Variants in FRMPD4 observed in about 807,000 individuals in gnomAD.
The protein encoded by FRMPD4 is FERM and PDZ domain containing 4, also known as FERM and PDZ domain-containing protein 4.
Under a neutral mutation model 94.1 loss-of-function variants are expected in FRMPD4, and 22 were observed. That is an observed-to-expected ratio of 0.23 (90% CI 0.17 to 0.33). The LOEUF (loss-of-function observed/expected upper bound fraction) is 0.33, where lower values mean the gene tolerates loss of function less well. Among genes scored for constraint, FRMPD4 ranks in the 10% least tolerant of loss-of-function variants. The pLI, the probability that FRMPD4 is intolerant of heterozygous loss-of-function variation, is 1.00. For synonymous variants in FRMPD4, 631 were observed against 548.6 expected, an observed-to-expected ratio of 1.15 and a Z score of -2.10; for missense variants, 1,111 against 1,339.9, an observed-to-expected ratio of 0.83 and a Z score of 2.67.
At chrX:11,825,123 T>C (rs1489970895) in intron 1 of FRMPD4, among the ~76,000 whole-genome samples, 2 of 108,621 alleles carry the variant, frequency 1.8e-5, no homozygotes, top group African/African-American at 6.7e-5. Flanking sequence ...TTCTGTGGTT[T>C]TGAGGAAAAG....
At chrX:12,229,460 C>G (rs751550711) in intron 1 of FRMPD4, among the ~76,000 whole-genome samples, 1 of 111,919 alleles carries the variant, frequency 8.9e-6, no homozygotes, top group South Asian at 3.8e-4. Context: ...GACATGTTCA[C>G]TTCTTACCCT....
intron 1 of FRMPD4, among the ~76,000 whole-genome samples, chrX:12,207,722 G>A (rs1445894639): frequency 2.8e-5 from 3 of 108,740 alleles, no homozygotes; most frequent in African/African-American, 1.0e-4. Flanking sequence ...TAGAGCTCAG[G>A]GCTACCAAAA....
At chrX:12,212,364 A>G (rs1305308968) in intron 1 of FRMPD4, among the ~76,000 whole-genome samples, 1 of 109,208 alleles carries the variant, frequency 9.2e-6, no homozygotes, top group Non-Finnish European at 1.9e-5. Flanking sequence ...ACTCTCTTGT[A>G]GGTAGGTGGC....
chrX:12,677,115 C>T (rs775362203), intron 5 of FRMPD4, among the ~76,000 whole-genome samples: 65 of 110,920 alleles, frequency 5.9e-4, no homozygotes, highest in African/African-American at 1.5e-3. Flanking sequence ...TATGGGGACA[C>T]GTCCTGTGCA....
intron 3 of FRMPD4, among the ~76,000 whole-genome samples, chrX:12,089,893 G>C (rs1309296305): frequency 8.9e-6 from 1 of 111,741 alleles, no homozygotes; most frequent in Non-Finnish European, 1.9e-5. Flanking sequence ...GTTTGGTTGG[G>C]AAACCAGGCA....
chrX:12,513,169 A>G (rs1302304426), intron 2 of FRMPD4, among the ~76,000 whole-genome samples: 1 of 111,779 alleles, frequency 8.9e-6, no homozygotes, highest in African/African-American at 3.3e-5. Context: ...TATATATTGT[A>G]TGTTCACTCT....
At chrX:12,518,939 T>A (rs2058132709) in intron 2 of FRMPD4, among the ~76,000 whole-genome samples, 1 of 112,047 alleles carries the variant, frequency 8.9e-6, no homozygotes. Flanking sequence ...AAGAAAATAA[T>A]TCCATTTACA....
Position 12,716,299 on chromosome X carries a change from G to C in FRMPD4, c.1840G>C (p.Gly614Arg). 8.3e-7 allele frequency: 1 copy of C among 1,210,282 alleles called. No homozygotes were observed. The highest frequency in any genetic ancestry group is 1.8e-5 in the South Asian group (1 of 56,914). ...DGLNQQLSQP[G>R]EAPCEADYRS... ...ACTTAACCAGCAGCTGAGCCAGCCC[G>C]GGGAGGCCCCCTGTGAGGCAGACTA... Residue 614 changes from glycine (G) to arginine (R), a missense_variant, in exon 15 of 17, where the codon GGG becomes CGG. Gly to Arg is a moderately radical substitution (Grantham distance 125, BLOSUM62 -2). This residue lies in a region of FRMPD4 where 192 missense variants were observed against 192.5 expected (regional missense o/e 1.00). Transcript: ENST00000675598.
chrX:12,201,130 A>G (rs1187106698), intron 1 of FRMPD4, among the ~76,000 whole-genome samples: 1 of 112,364 alleles, frequency 8.9e-6, no homozygotes, highest in African/African-American at 3.2e-5. Flanking sequence ...CTTAAATCAC[A>G]TATTTCCCTC....
At chrX:11,899,211 AT>A (rs2053920259) in intron 3 of FRMPD4, among the ~76,000 whole-genome samples, 1 of 111,719 alleles carries the variant, frequency 9.0e-6, no homozygotes, top group Non-Finnish European at 1.9e-5. Flanking sequence ...CACCTGGGTG[AT>A]TGAGAATGTA....
chrX:12,390,530 C>T (rs969480149), intron 1 of FRMPD4, among the ~76,000 whole-genome samples: 2 of 110,561 alleles, frequency 1.8e-5, no homozygotes, highest in Non-Finnish European at 3.8e-5. Flanking sequence ...CACTGTGAGT[C>T]ATTTTCTCCA....
intron 4 of FRMPD4, among the ~76,000 whole-genome samples, chrX:12,665,920 A>C (rs1354547479): frequency 8.9e-6 from 1 of 111,838 alleles, no homozygotes; most frequent in Admixed American, 9.5e-5. Flanking sequence ...ATTCACAAAT[A>C]ACAATATTAA....
intron 3 of FRMPD4, among the ~76,000 whole-genome samples, chrX:12,014,300 G>A (rs982178803): frequency 1.8e-5 from 2 of 112,026 alleles, no homozygotes; most frequent in African/African-American, 6.5e-5. Flanking sequence ...ATCCATGAAG[G>A]GCCAATCTGC....
chrX:12,449,840 T>C (rs1359846404), intron 1 of FRMPD4, among the ~76,000 whole-genome samples: 1 of 110,086 alleles, frequency 9.1e-6, no homozygotes, highest in East Asian at 2.8e-4. Context: ...AATTTAAAAA[T>C]TAGCTGGACA....
At chrX:12,709,224 A>G (rs902529484) in intron 13 of FRMPD4, among the ~76,000 whole-genome samples, 2 of 111,774 alleles carry the variant, frequency 1.8e-5, no homozygotes, top group Non-Finnish European at 3.8e-5. Context: ...GGGCTTTGGC[A>G]GGAAAGTTAA....
chrX:12,643,875 A>G (rs1479011543), intron 4 of FRMPD4, among the ~76,000 whole-genome samples: 1 of 112,191 alleles, frequency 8.9e-6, no homozygotes, highest in Non-Finnish European at 1.9e-5. Flanking sequence ...GAATCATCAC[A>G]TGAGTTTACT....
intron 4 of FRMPD4, among the ~76,000 whole-genome samples, chrX:12,630,983 A>C (rs1206185451): frequency 1.8e-5 from 2 of 111,520 alleles, no homozygotes; most frequent in Non-Finnish European, 3.8e-5. Context: ...TCTTCATTTT[A>C]TGGCTCTTAA....
intron 1 of FRMPD4, among the ~76,000 whole-genome samples, chrX:12,246,445 G>A (rs1045443143): frequency 3.6e-5 from 4 of 111,448 alleles, no homozygotes; most frequent in Non-Finnish European, 7.5e-5. Context: ...TTGCTTCATC[G>A]ATAGTCCAGG....
chrX:12,524,168 GA>G (rs113443729), intron 2 of FRMPD4, among the ~76,000 whole-genome samples: 4,300 of 110,773 alleles, frequency 0.039, 196 homozygotes, highest in African/African-American at 0.13. Flanking sequence ...AATAACAAAA[GA>G]AAAAAAAGTT....
Sources: gnomAD v4.1 joint callset for allele counts (sites outside exome capture counted in the v4.1 genomes callset) on GRCh38, gnomAD v4.1.1 for gene constraint, gnomAD v4.1.1 regional missense constraint, MANE v1.5 for transcripts, NCBI Gene and HGNC (gene_info 2026-07-23, HGNC 2026-07-21) for gene names.